LSAMP: variants seen among roughly 807,000 people sequenced by gnomAD.
LSAMP encodes limbic system associated membrane protein.
LSAMP carries 7 observed loss-of-function variants against 38.6 expected under a neutral mutation model. The ratio of observed to expected loss-of-function variants is 0.18; its 90% CI spans 0.10 to 0.34. LSAMP has a LOEUF of 0.34. LSAMP is among the 10% of genes least tolerant of loss of function. The probability of loss-of-function intolerance (pLI) is 1.00; values close to 1 mark genes in which losing one functional copy is unlikely to be tolerated. For missense variants in LSAMP, 313 were observed against 420.0 expected (o/e 0.75, Z 2.23); for synonymous variants, 154 against 166.8 (o/e 0.92, Z 0.59).
chr3:116,248,872 G>A (rs185240339), intron 1 of LSAMP, among the ~76,000 whole-genome samples: 56 of 152,208 alleles, frequency 3.7e-4, no homozygotes, highest in Admixed American at 1.2e-3. Context: ...AAACTGCCAG[G>A]CGCGGTGGCT....
At chr3:116,264,324 G>A (rs1158100048) in intron 1 of LSAMP, among the ~76,000 whole-genome samples, 1 of 152,096 alleles carries the variant, frequency 6.6e-6, no homozygotes, top group Non-Finnish European at 1.5e-5. Context: ...CAAGTTGGAG[G>A]GTTATCTGGA....
At chr3:116,066,586 T>G (rs1707441872) in intron 2 of LSAMP, among the ~76,000 whole-genome samples, 1 of 152,234 alleles carries the variant, frequency 6.6e-6, no homozygotes, top group South Asian at 2.1e-4. Flanking sequence ...ATACCGCCAC[T>G]TTCTGGAAAC....
intron 1 of LSAMP, among the ~76,000 whole-genome samples, chr3:116,393,481 TA>T (rs1424128177): frequency 6.6e-6 from 1 of 152,150 alleles, no homozygotes; most frequent in East Asian, 1.9e-4. Flanking sequence ...CTTGCTCACA[TA>T]CCCCTCACTG....
chr3:116,067,208 G>A (rs1707478596), intron 2 of LSAMP, among the ~76,000 whole-genome samples: 1 of 152,074 alleles, frequency 6.6e-6, no homozygotes, highest in Admixed American at 6.5e-5. Flanking sequence ...GTCTGAGCTT[G>A]TACCCTCCTA....
intron 2 of LSAMP, among the ~76,000 whole-genome samples, chr3:116,074,917 C>T (rs1318678891): frequency 2.1e-5 from 3 of 145,694 alleles, no homozygotes; most frequent in Non-Finnish European, 4.5e-5. Context: ...GATCTCGGCT[C>T]ACCGCAACCT....
Position 115,841,092 on chromosome 3 carries a change from C to A in LSAMP, c.919+753G>T, listed in dbSNP as rs3772961. ...GCCCAACAAGGCAGGGTGTTAGAGA[C>A]TTGACTCTAACTTGCTGCTAAAGAG... On this transcript the variant is annotated intron_variant, in intron 6 of 6. Transcript: ENST00000490035. 4.0e-4 allele frequency among the ~76,000 whole-genome samples: 61 copies of A among 152,330 alleles called. 2 individuals are homozygous for A. The East Asian group carries it at 0.01, about 25-fold the overall frequency.
At chr3:115,956,943 G>A (rs1216453487) in intron 3 of LSAMP, among the ~76,000 whole-genome samples, 1 of 152,162 alleles carries the variant, frequency 6.6e-6, no homozygotes, top group East Asian at 1.9e-4. Flanking sequence ...AAGGCTTCAA[G>A]AACCTGAAAT....
chr3:116,079,713 A>T (rs1707831956), intron 2 of LSAMP, among the ~76,000 whole-genome samples: 1 of 151,768 alleles, frequency 6.6e-6, no homozygotes, highest in Non-Finnish European at 1.5e-5. Context: ...AGGCAGACCT[A>T]GGACTGGAAA....
At chr3:116,109,084 G>A (rs1301807686) in intron 1 of LSAMP, among the ~76,000 whole-genome samples, 1 of 152,152 alleles carries the variant, frequency 6.6e-6, no homozygotes, top group Non-Finnish European at 1.5e-5. Context: ...GCATCTCAGG[G>A]TTGCTGCCAA....
At chr3:116,209,612 G>T (rs1026494199) in intron 1 of LSAMP, among the ~76,000 whole-genome samples, 1 of 152,052 alleles carries the variant, frequency 6.6e-6, no homozygotes, top group South Asian at 2.1e-4. Context: ...GTAAGAGGGG[G>T]GCTTTGATGT....
At chr3:116,311,731 C>A (rs1304215649) in intron 1 of LSAMP, among the ~76,000 whole-genome samples, 1 of 152,060 alleles carries the variant, frequency 6.6e-6, no homozygotes, top group Non-Finnish European at 1.5e-5. Context: ...GTTTGTTGTA[C>A]AATTTAAATA....
At chr3:115,845,298 T>C (rs781709515) in intron 4 of LSAMP, among the ~76,000 whole-genome samples, 3 of 152,220 alleles carry the variant, frequency 2.0e-5, no homozygotes, top group Non-Finnish European at 4.4e-5. Context: ...CCCATTGATG[T>C]TGGCTGAAGA....
At chr3:116,373,051 C>T (rs910851955) in intron 1 of LSAMP, among the ~76,000 whole-genome samples, 1 of 151,608 alleles carries the variant, frequency 6.6e-6, no homozygotes, top group South Asian at 2.1e-4. Flanking sequence ...ACCATATCAT[C>T]CAGCAATTTC....
At position 115,857,175 on chromosome 3, in the gene LSAMP, A is replaced by C. The variant is rs1436866594; in HGVS notation, c.515-4558T>G. On this transcript the variant is annotated intron_variant, in intron 3 of 6. Transcript: ENST00000490035. ...CTCCCTGTGGACACAGGCACGATAC[A>C]ATCTTAGCAAGTGCCGTTTCTTGTT... is the stretch of plus-strand genomic sequence containing the variant. Among the ~76,000 whole-genome samples, 6 of 152,200 alleles carry C rather than the reference A, an allele frequency of 3.9e-5. No individual in the cohort carries two copies. The East Asian group carries it at 1.2e-3, about 29-fold the overall frequency.
intron 1 of LSAMP, among the ~76,000 whole-genome samples, chr3:116,265,862 C>T (rs1197913206): frequency 6.6e-6 from 1 of 152,208 alleles, no homozygotes; most frequent in African/African-American, 2.4e-5. Context: ...ATCAGTTGTG[C>T]TCTCATCTCA....
chr3:116,420,757 A>T (rs1354029061), intron 1 of LSAMP, among the ~76,000 whole-genome samples: 2 of 152,084 alleles, frequency 1.3e-5, no homozygotes, highest in Non-Finnish European at 2.9e-5. Flanking sequence ...TGCATCTGTT[A>T]TCCCAGCTAC....
At chr3:116,352,551 T>C (rs1012243445) in intron 1 of LSAMP, among the ~76,000 whole-genome samples, 2 of 152,096 alleles carry the variant, frequency 1.3e-5, no homozygotes, top group Admixed American at 1.3e-4. Flanking sequence ...TAAATCTCCT[T>C]TGAAGTTTTG....
chr3:116,009,693 T>C (rs924750299), intron 3 of LSAMP, among the ~76,000 whole-genome samples: 2 of 152,056 alleles, frequency 1.3e-5, no homozygotes, highest in African/African-American at 4.8e-5. Context: ...TTACAGGAAG[T>C]ATTATAAAAC....
chr3:116,094,002 C>T (rs1038806799), intron 1 of LSAMP, among the ~76,000 whole-genome samples: 5 of 152,084 alleles, frequency 3.3e-5, no homozygotes, highest in African/African-American at 9.7e-5. Context: ...TGGAATAAAG[C>T]ATGAAAATAT....
Sources: allele counts gnomAD v4.1 joint callset (sites outside exome capture counted in the v4.1 genomes callset), GRCh38; gene constraint gnomAD v4.1.1; transcripts MANE v1.5; gene names NCBI Gene and HGNC (gene_info 2026-07-23, HGNC 2026-07-21).